Variants in DPYD observed in about 807,000 individuals in gnomAD.
DPYD encodes dihydropyrimidine dehydrogenase.
In DPYD, 109 loss-of-function variants were observed where a neutral mutation model predicts 116.2. That is an observed-to-expected ratio of 0.94 (90% CI 0.80 to 1.10). The LOEUF is 1.10. Among genes scored for constraint, DPYD ranks in the 50% least tolerant of loss-of-function variants. DPYD has a pLI of 0.00. For synonymous variants in DPYD, 440 were observed against 432.0 expected (o/e 1.02, Z -0.23); for missense variants, 1,302 against 1,254.5 (o/e 1.04, Z -0.57).
chr1:97,486,831 T>C (rs1678667492), intron 13 of DPYD, among the ~76,000 whole-genome samples: 1 of 151,920 alleles, frequency 6.6e-6, no homozygotes, highest in Non-Finnish European at 1.5e-5. Flanking sequence ...AGTTTTCTTT[T>C]TTATATAAGC....
At chr1:97,804,524 T>C (rs1408533549) in intron 3 of DPYD, among the ~76,000 whole-genome samples, 1 of 151,714 alleles carries the variant, frequency 6.6e-6, no homozygotes, top group Non-Finnish European at 1.5e-5. Flanking sequence ...AATTCTACAG[T>C]GTATTTTGAG....
intron 3 of DPYD, among the ~76,000 whole-genome samples, chr1:97,799,798 A>T (rs1043498439): frequency 1.3e-5 from 2 of 151,952 alleles, no homozygotes; most frequent in African/African-American, 2.4e-5. Flanking sequence ...TGCAGCATTG[A>T]ATTGTTCCAC....
At chr1:97,525,259 A>G (rs991732934) in intron 12 of DPYD, among the ~76,000 whole-genome samples, 5 of 152,114 alleles carry the variant, frequency 3.3e-5, no homozygotes, top group African/African-American at 1.2e-4. Flanking sequence ...GATTGTGGTG[A>G]TGGTTGCATG....
chr1:97,118,650 G>C (rs1211262316), intron 20 of DPYD, among the ~76,000 whole-genome samples: 2 of 152,092 alleles, frequency 1.3e-5, no homozygotes, highest in Admixed American at 6.6e-5. Context: ...TCAGGTTCTA[G>C]GGCTTTGTTT....
intron 8 of DPYD, among the ~76,000 whole-genome samples, chr1:97,629,468 G>A (rs1337522): frequency 0.79 from 119,500 of 151,930 alleles, 48,054 homozygotes; most frequent in East Asian, 0.96. Flanking sequence ...ATCATTCATC[G>A]TTTGAAGGCT....
chr1:97,649,778 CTT>C, intron 8 of DPYD, among the ~76,000 whole-genome samples: 1 of 151,962 alleles, frequency 6.6e-6, no homozygotes, highest in East Asian at 1.9e-4. Flanking sequence ...GAAAGACACT[CTT>C]ATTTTTAAGC....
chr1:97,227,931 G>T (rs1299525502), intron 19 of DPYD, among the ~76,000 whole-genome samples: 1 of 151,882 alleles, frequency 6.6e-6, no homozygotes, highest in Non-Finnish European at 1.5e-5. Context: ...TTAAGCAAAT[G>T]ATGCTGTAAC....
chr1:97,360,824 T>C (rs953273614), intron 16 of DPYD, among the ~76,000 whole-genome samples: 19 of 152,172 alleles, frequency 1.2e-4, no homozygotes, highest in Admixed American at 7.9e-4. Flanking sequence ...GAGAAATTTA[T>C]AGCACTAAAT....
intron 18 of DPYD, chr1:97,265,325 C>G (rs761108164): frequency 4.6e-5 from 7 of 152,152 alleles, no homozygotes; most frequent in Non-Finnish European, 7.3e-5. Context: ...TTTTCTATCA[C>G]AATTATACCA....
chr1:97,651,051 A>C (rs1158419083), intron 8 of DPYD, among the ~76,000 whole-genome samples: 1 of 152,168 alleles, frequency 6.6e-6, no homozygotes, highest in African/African-American at 2.4e-5. Flanking sequence ...GTGTTCAATT[A>C]AGACCTCAAA....
intron 19 of DPYD, among the ~76,000 whole-genome samples, chr1:97,215,131 T>C (rs1026769719): frequency 6.6e-6 from 1 of 152,212 alleles, no homozygotes; most frequent in African/African-American, 2.4e-5. Flanking sequence ...TGAGGTGCTT[T>C]GCATATGGTT....
At position 97,725,606 on chromosome 1, in the gene DPYD, C is replaced by A. The variant is rs926327501; in HGVS notation, c.322-3935G>T. 4.6e-5 allele frequency among the ~76,000 whole-genome samples: 7 copies of A among 151,650 alleles called. No individual in the cohort carries two copies. In the East Asian group the frequency reaches 1.2e-3, roughly 25 times the overall value. On this transcript the variant is annotated intron_variant, in intron 4 of 22. Coordinates refer to ENST00000370192, the MANE Select transcript of DPYD (RefSeq NM_000110.4). ...CTGACATGAGGATAAGCATGTAGAT[C>A]AATGTGATATAAATATGAGTCCAGA...
intron 19 of DPYD, among the ~76,000 whole-genome samples, chr1:97,214,860 T>G (rs1421981257): frequency 6.6e-6 from 1 of 152,214 alleles, no homozygotes; most frequent in African/African-American, 2.4e-5. Flanking sequence ...CTGTCTCATT[T>G]CCATCTTCTT....
chr1:97,299,321 C>T (rs1017372319), intron 18 of DPYD, among the ~76,000 whole-genome samples: 5 of 152,092 alleles, frequency 3.3e-5, no homozygotes, highest in Admixed American at 3.3e-4. Context: ...TAATTCATTA[C>T]CACTGCTGCA....
intron 16 of DPYD, among the ~76,000 whole-genome samples, chr1:97,317,112 C>T (rs936755270): frequency 5.3e-5 from 8 of 151,860 alleles, no homozygotes; most frequent in African/African-American, 1.7e-4. Flanking sequence ...ATCCTTTATA[C>T]TGGGCCAAAA....
chr1:97,903,748 T>C (rs1299283857), intron 1 of DPYD, among the ~76,000 whole-genome samples: 1 of 151,874 alleles, frequency 6.6e-6, no homozygotes. Flanking sequence ...ATATCTAGAG[T>C]TTTAAAATGT....
In DPYD at chr1:97,495,849, A is replaced by T. The variant is rs1679233064; in HGVS notation, c.1740+19877T>A. 2.0e-5 allele frequency among the ~76,000 whole-genome samples: 3 copies of T among 152,262 alleles called. No homozygotes were observed. In the South Asian group the frequency reaches 6.2e-4, roughly 32 times the overall value. ...TAATTAAATAGAATTTGAAATTTAG[A>T]ACTCTGCATTAGTACCTATATCACA... is the stretch of plus-strand genomic sequence containing the variant. On this transcript the variant is annotated intron_variant, in intron 13 of 22. Transcript: ENST00000370192.
intron 3 of DPYD, among the ~76,000 whole-genome samples, chr1:97,752,313 CACACACACACAT>C (rs533122212): frequency 0.013 from 1,979 of 151,996 alleles, 19 homozygotes; most frequent in Middle Eastern, 0.024. Flanking sequence ...CACACACACA[CACACACACACAT>C]ACACACATAC....
chr1:97,455,903 T>C (rs571381448), intron 13 of DPYD, among the ~76,000 whole-genome samples: 1 of 152,036 alleles, frequency 6.6e-6, no homozygotes, highest in South Asian at 2.1e-4. Context: ...TCTGAATTAG[T>C]GACAGAATTT....
Sources: gnomAD v4.1 joint callset for allele counts (sites outside exome capture counted in the v4.1 genomes callset) on GRCh38, gnomAD v4.1.1 for gene constraint, MANE v1.5 for transcripts, NCBI Gene and HGNC (gene_info 2026-07-23, HGNC 2026-07-21) for gene names.